HPSE2: variants seen among roughly 807,000 people sequenced by gnomAD.
HPSE2 encodes heparanase 2 (inactive).
A neutral mutation model predicts 60.5 loss-of-function variants in HPSE2; 38 were observed. That is an observed-to-expected ratio of 0.63 (90% confidence interval 0.48 to 0.82). HPSE2 has a LOEUF of 0.82. Among genes scored for constraint, HPSE2 ranks in the 40% least tolerant of loss-of-function variants. The pLI is 0.00. For missense variants in HPSE2, 713 were observed against 740.4 expected (o/e 0.96, Z 0.43); for synonymous variants, 295 against 293.2 (o/e 1.01, Z -0.06).
chr10:98,744,782 A>AGG (rs1271506855), intron 3 of HPSE2, among the ~76,000 whole-genome samples: 2 of 152,216 alleles, frequency 1.3e-5, no homozygotes, highest in Non-Finnish European at 2.9e-5. Flanking sequence ...ATAGGGTACA[A>AGG]GGCCAGGAAG....
chr10:99,261,635 G>A, the HPSE2 span, among the ~76,000 whole-genome samples: 3,079 of 152,092 alleles, frequency 0.02, 109 homozygotes, highest in East Asian at 0.15. Flanking sequence ...TACCCAATCC[G>A]CTCCTGACAT....
chr10:99,222,132 T>C (rs1849333203), intron 2 of HPSE2, among the ~76,000 whole-genome samples: 1 of 151,980 alleles, frequency 6.6e-6, no homozygotes, highest in Admixed American at 6.6e-5. Flanking sequence ...GCCTTTCCTC[T>C]AGGGGAAAGG....
intron 3 of HPSE2, among the ~76,000 whole-genome samples, chr10:99,094,866 AT>A (rs1209074284): frequency 6.6e-6 from 1 of 151,370 alleles, no homozygotes; most frequent in Non-Finnish European, 1.5e-5. Context: ...CAAATACCTT[AT>A]TTTTTTATCT....
chr10:98,483,693 C>G (rs78029362), intron 10 of HPSE2, among the ~76,000 whole-genome samples: 1 of 152,216 alleles, frequency 6.6e-6, no homozygotes, highest in Non-Finnish European at 1.5e-5. Context: ...GGACTCAGCC[C>G]ATCTTTTGCC....
At chr10:98,959,786 T>G (rs1423020086) in intron 3 of HPSE2, among the ~76,000 whole-genome samples, 1 of 152,050 alleles carries the variant, frequency 6.6e-6, no homozygotes, top group Non-Finnish European at 1.5e-5. Context: ...GCATTAGAAA[T>G]GTGGGAAAGC....
the HPSE2 span, among the ~76,000 whole-genome samples, chr10:99,314,817 A>G: frequency 6.6e-6 from 1 of 152,258 alleles, no homozygotes; most frequent in African/African-American, 2.4e-5. Flanking sequence ...TGGCAATGTC[A>G]CAAAATTTTT....
intron 9 of HPSE2, among the ~76,000 whole-genome samples, chr10:98,572,888 G>A (rs1159581615): frequency 3.3e-5 from 5 of 152,192 alleles, no homozygotes; most frequent in South Asian, 4.1e-4. Flanking sequence ...TTCTACTGAC[G>A]TGTACTAGGA....
chr10:98,476,679 G>A (rs1178198715), intron 11 of HPSE2, among the ~76,000 whole-genome samples: 2 of 151,778 alleles, frequency 1.3e-5, no homozygotes, highest in Non-Finnish European at 2.9e-5. Context: ...AGTCCCAACT[G>A]CTCGGGAGGT....
At chr10:98,568,081 T>C (rs1944397147) in intron 9 of HPSE2, among the ~76,000 whole-genome samples, 1 of 152,202 alleles carries the variant, frequency 6.6e-6, no homozygotes, top group Admixed American at 6.5e-5. Flanking sequence ...TTAGTCACCA[T>C]AATGCTTTTA....
chr10:99,274,792 CTTT>C, the HPSE2 span, among the ~76,000 whole-genome samples: 1 of 152,216 alleles, frequency 6.6e-6, no homozygotes, highest in Non-Finnish European at 1.5e-5. Flanking sequence ...AAAATAACTT[CTTT>C]TTAAATTTCC....
chr10:99,242,031 T>C, the HPSE2 span, among the ~76,000 whole-genome samples: 1 of 152,114 alleles, frequency 6.6e-6, no homozygotes, highest in African/African-American at 2.4e-5. Flanking sequence ...AAGGAAGAAA[T>C]TAGAGTAGGT....
At chr10:98,693,803 A>G (rs1239887194) in intron 6 of HPSE2, 97 bp downstream of exon 6, 8 of 1,018,906 alleles carry the variant, frequency 7.9e-6, no homozygotes, top group Non-Finnish European at 1.3e-5. Context: ...GATGAAGGAT[A>G]GCTTATTAAA....
At chr10:99,227,500 T>G (rs190353511) in intron 2 of HPSE2, among the ~76,000 whole-genome samples, 1 of 152,098 alleles carries the variant, frequency 6.6e-6, no homozygotes, top group Non-Finnish European at 1.5e-5. Flanking sequence ...CAACCACAGA[T>G]AAAGAGCACA....
At chr10:98,818,052 T>C (rs1951333407) in intron 3 of HPSE2, among the ~76,000 whole-genome samples, 1 of 152,222 alleles carries the variant, frequency 6.6e-6, no homozygotes, top group Non-Finnish European at 1.5e-5. Context: ...GCCCTCCATA[T>C]ATGCAGCTTT....
chr10:99,011,928 TACA>T (rs1399923948), intron 3 of HPSE2, among the ~76,000 whole-genome samples: 2 of 151,894 alleles, frequency 1.3e-5, no homozygotes, highest in Non-Finnish European at 2.9e-5. Flanking sequence ...TTACAGAAGA[TACA>T]ACAAATTTTA....
At chr10:98,695,014 A>G (rs1948175056) in intron 5 of HPSE2, among the ~76,000 whole-genome samples, 1 of 152,224 alleles carries the variant, frequency 6.6e-6, no homozygotes, top group African/African-American at 2.4e-5. Flanking sequence ...TTACCCCAGC[A>G]TAATCTTGCA....
rs561071755 is a variant in HPSE2, at chr10:98,779,991, T to A, written c.611-35935A>T. On this transcript the variant is annotated intron_variant, in intron 3 of 11. Transcript: ENST00000370552. ...CACGGGGGTCTCTCATAATATATATTTTTTTCTCCTTCAAGCTCAGATTTC... is the reference window on the plus strand; with the variant it reads ...CACGGGGGTCTCTCATAATATATATATTTTTCTCCTTCAAGCTCAGATTTC... 7.9e-5 allele frequency among the ~76,000 whole-genome samples: 12 copies of A among 152,188 alleles called. No homozygotes were observed. The East Asian group carries it at 1.7e-3, about 22-fold the overall frequency.
At chr10:98,976,436 T>G (rs1029710591) in intron 3 of HPSE2, among the ~76,000 whole-genome samples, 2 of 152,168 alleles carry the variant, frequency 1.3e-5, no homozygotes, top group Non-Finnish European at 2.9e-5. Context: ...TAGTAAATGA[T>G]GGGGATAGGA....
intron 11 of HPSE2, among the ~76,000 whole-genome samples, chr10:98,460,955 A>G (rs562948076): frequency 6.6e-6 from 1 of 152,394 alleles, no homozygotes; most frequent in East Asian, 1.9e-4. Flanking sequence ...ACAGGCCACC[A>G]GCTGGAAATA....
Sources: gnomAD v4.1 joint callset for allele counts (sites outside exome capture counted in the v4.1 genomes callset) on GRCh38, gnomAD v4.1.1 for gene constraint, MANE v1.5 for transcripts, NCBI Gene and HGNC (gene_info 2026-07-23, HGNC 2026-07-21) for gene names.